Variants in PLAC8L1 observed in about 807,000 individuals in gnomAD.
PLAC8L1 encodes the protein PLAC8-like protein 1.
In PLAC8L1, 13 loss-of-function variants were observed where a neutral mutation model predicts 16.3. The ratio of observed to expected loss-of-function variants is 0.80; its 90% CI spans 0.52 to 1.27. The LOEUF is 1.27. Among genes scored for constraint, PLAC8L1 ranks in the 50% most tolerant of loss-of-function variants. The pLI, the probability that PLAC8L1 is intolerant of heterozygous loss-of-function variation, is 0.00. For synonymous variants in PLAC8L1, 78 were observed against 79.3 expected (o/e 0.98, Z 0.09); for missense variants, 184 against 220.2 (o/e 0.84, Z 1.04).
chr5:146,102,039 C>CA (rs1283185498), intron 1 of PLAC8L1, among the ~76,000 whole-genome samples: 1 of 129,416 alleles, frequency 7.7e-6, no homozygotes, highest in African/African-American at 2.8e-5. Flanking sequence ...CTGTGTTTAC[C>CA]CTTTTTTTTT....
rs910059487 is a variant in PLAC8L1 at position 146,103,474 on chromosome 5, TA to T, written c.119+718del. Among the ~76,000 whole-genome samples the T allele has an allele frequency of 5.3e-4, 79 of 148,266 alleles. 1 individual carries two copies. In the East Asian group the frequency reaches 0.013, roughly 25 times the overall value. ...GCGCCTGGCCTCAGACCCCATCTCT[TA>T]AAAAAAAAAGATTCAGTCAGGGTAA... On this transcript the variant is annotated intron_variant, in intron 1 of 3. Transcript: ENST00000311450.
rs745806398 is a variant in PLAC8L1 at position 146,104,255 on chromosome 5, G to A, written c.57C>T (p.Asn19=). 1 of 1,613,900 alleles carries A rather than the reference G, an allele frequency of 6.2e-7. No homozygotes were observed. The highest frequency in any genetic ancestry group is 8.5e-7 in the Non-Finnish European group (1 of 1,179,830). ...FRCPEDLSLL[N]IYSPLLSHMS... ...TGTGTGACAACAGAGGTGAGTATAT[G>A]TTGAGTAAGGAAAGATCCTCAGGAC... The change falls in exon 1 of 4, where the codon AAC becomes AAT. Residue 19 remains asparagine (N), a synonymous_variant. Transcript: ENST00000311450.
In PLAC8L1 at chr5:146,084,522, G is replaced by A; in HGVS notation, c.444C>T (p.Ser148=). The A allele has an allele frequency of 6.2e-7, 1 of 1,614,116 alleles. No homozygotes were observed. Among genetic ancestry groups the A allele is most frequent in the Non-Finnish European group, 8.5e-7 (1 of 1,180,030 alleles). Residue 148 remains serine (S), a synonymous_variant, in exon 4 of 4, where the codon TCC becomes TCT. Coordinates refer to ENST00000311450, the MANE Select transcript of PLAC8L1 (RefSeq NM_001029869.3). ...WLAVHCCWAF[S]ICQVARELKM... The stretch of plus-strand genomic sequence containing the variant: ...TGAGTTCCCGGGCCACCTGGCAGAT[G>A]GAAAAAGCCCAACAGCAGTGCACCG...
At chr5:146,091,010 C>T (rs1217569785) in intron 2 of PLAC8L1, among the ~76,000 whole-genome samples, 4 of 151,770 alleles carry the variant, frequency 2.6e-5, no homozygotes, top group Admixed American at 1.3e-4. Context: ...GTAGAGATCG[C>T]ACCACTGCAC....
chr5:146,090,534 AAAAACAAAACAAAACAAAAC>A (rs71581853), intron 2 of PLAC8L1, among the ~76,000 whole-genome samples: 3 of 149,666 alleles, frequency 2.0e-5, no homozygotes, highest in African/African-American at 5.0e-5. Flanking sequence ...GACCGTCTCA[AAAAACAAAACAAAACAAAAC>A]AAAACAAAAC....
Position 146,085,580 on chromosome 5 carries a change from A to T in PLAC8L1, c.274T>A (p.Cys92Ser), listed in dbSNP as rs1763497392. 1.9e-6 allele frequency: 3 copies of T among 1,613,460 alleles called. No individual in the cohort carries two copies. The East Asian group carries it at 6.7e-5, about 36-fold the overall frequency. ...ATGTCACACTCAAGACACATAGGAC[A>T]GAATAGACCACAGAAACCTGTCAAT... ...DRRICFCGLFCPMCLECDIAR... is the reference protein window; with the variant it reads ...DRRICFCGLFSPMCLECDIAR... Residue 92 changes from cysteine (C) to serine (S), a missense_variant, in exon 3 of 4, where the codon TGT (cysteine) becomes AGT (serine). By Grantham distance (112) the Cys-to-Ser change is moderately radical. Coordinates refer to ENST00000311450, the MANE Select transcript of PLAC8L1 (RefSeq NM_001029869.3).
chr5:146,090,879 C>T (rs1763605563), intron 2 of PLAC8L1, among the ~76,000 whole-genome samples: 4 of 152,040 alleles, frequency 2.6e-5, no homozygotes, highest in Non-Finnish European at 5.9e-5. Flanking sequence ...ATGGTGAAAT[C>T]CCGTCTCTGC....
At chr5:146,102,790 T>G (rs1763841885) in intron 1 of PLAC8L1, among the ~76,000 whole-genome samples, 1 of 152,190 alleles carries the variant, frequency 6.6e-6, no homozygotes, top group South Asian at 2.1e-4. Context: ...AAATACAACT[T>G]GTCACAACCC....
intron 2 of PLAC8L1, among the ~76,000 whole-genome samples, chr5:146,088,709 A>G (rs1406914278): frequency 6.6e-6 from 1 of 152,190 alleles, no homozygotes; most frequent in South Asian, 2.1e-4. Context: ...CAAACTCTGA[A>G]TTCAGTCTCA....
intron 1 of PLAC8L1, chr5:146,099,414 C>A (rs1763770576): frequency 6.6e-6 from 1 of 152,202 alleles, no homozygotes; most frequent in Admixed American, 6.6e-5. Context: ...GTAATCCCAG[C>A]ACTTTGGGAG....
chr5:146,084,572 C>T lies in PLAC8L1; in HGVS notation c.394G>A (p.Gly132Ser). ...GCCAGCCAGTCTTCACACAGTGTGC[C>T]CTAGGGCAAGACCAGAATCTGTTCT... ...IGTRERHKIQGTLCEDWLAVH... is the reference protein window; with the variant it reads ...IGTRERHKIQSTLCEDWLAVH... The change falls in exon 4 of 4, where the codon GGC becomes AGC. Residue 132 changes from glycine (G) to serine (S), a missense_variant and splice_region_variant. Coordinates refer to ENST00000311450, the MANE Select transcript of PLAC8L1 (RefSeq NM_001029869.3). 1.2e-6 allele frequency: 2 copies of T among 1,613,476 alleles called. No individual in the cohort carries two copies. Among genetic ancestry groups the T allele is most frequent in the Non-Finnish European group, 1.7e-6 (2 of 1,180,002 alleles).
In PLAC8L1 at chr5:146,093,137, T is replaced by G. The variant is rs1395517121; in HGVS notation, c.256+5019A>C. ...GTTTTTTCTTTTATAGTTTTTTGCA[T>G]TTTTCTTTTTTATAATTATTATATA... On this transcript the variant is annotated intron_variant, in intron 2 of 3. Coordinates refer to ENST00000311450, the MANE Select transcript of PLAC8L1 (RefSeq NM_001029869.3). Among the ~76,000 whole-genome samples, 8 of 151,592 alleles carry G rather than the reference T, an allele frequency of 5.3e-5. No homozygotes were observed. In the East Asian group the frequency reaches 1.5e-3, roughly 29 times the overall value.
intron 1 of PLAC8L1, among the ~76,000 whole-genome samples, chr5:146,098,555 G>A (rs1014793754): frequency 3.9e-5 from 6 of 152,152 alleles, no homozygotes; most frequent in African/African-American, 1.4e-4. Context: ...TACTTCCTCA[G>A]TGTTTCAAAT....
chr5:146,088,658 A>G (rs1248303840), intron 2 of PLAC8L1, among the ~76,000 whole-genome samples: 1 of 152,248 alleles, frequency 6.6e-6, no homozygotes, highest in East Asian at 1.9e-4. Flanking sequence ...GTCTCAAGAT[A>G]GTCACTCAAT....
rs1437584679 is a variant in PLAC8L1 at position 146,104,872 on chromosome 5, A to C, written c.-561T>G. ...AGTTTGAGCTATGGTAGATTGTCAC[A>C]AGCCTCAAAGCCTTTTCAGAACTTC... On this transcript the variant is annotated 5_prime_UTR_variant, in exon 1 of 4. Transcript: ENST00000311450. 1 of 152,336 alleles carries C rather than the reference A, an allele frequency of 6.6e-6. No homozygotes were observed. The highest frequency in any genetic ancestry group is 1.5e-5 in the Non-Finnish European group (1 of 68,136). The allele number at this position is 152,336 out of a possible 1,614,324, so 9.4% of individuals were successfully genotyped here.
At chr5:146,087,992 T>C (rs1392650310) in intron 2 of PLAC8L1, among the ~76,000 whole-genome samples, 4 of 152,112 alleles carry the variant, frequency 2.6e-5, no homozygotes, top group African/African-American at 9.7e-5. Context: ...CCAATTGTGA[T>C]TGGATCACAG....
intron 1 of PLAC8L1, among the ~76,000 whole-genome samples, chr5:146,100,736 T>C (rs777186130): frequency 1.3e-5 from 2 of 152,198 alleles, no homozygotes; most frequent in East Asian, 1.9e-4. Context: ...TATTTTAATA[T>C]GTTTGTTATG....
At chr5:146,104,169 G>C (rs779169498) in intron 1 of PLAC8L1, 24 bp downstream of exon 1, 2 of 1,610,704 alleles carry the variant, frequency 1.2e-6, no homozygotes, top group Non-Finnish European at 1.7e-6. Context: ...AAAAGCTAGG[G>C]GAAAAACTCA....
At chr5:146,087,740 C>T (rs1407256705) in intron 2 of PLAC8L1, among the ~76,000 whole-genome samples, 1 of 152,150 alleles carries the variant, frequency 6.6e-6, no homozygotes, top group East Asian at 1.9e-4. Flanking sequence ...AGAATGGGTA[C>T]TTTATAAAGA....
Sources: allele counts gnomAD v4.1 joint callset (sites outside exome capture counted in the v4.1 genomes callset), GRCh38; gene constraint gnomAD v4.1.1; transcripts MANE v1.5; gene names NCBI Gene and HGNC (gene_info 2026-07-23, HGNC 2026-07-21).